The following GRID2 variants were observed in gnomAD, a reference collection of about 807,000 sequenced individuals.
GRID2 encodes the protein glutamate receptor ionotropic, delta-2.
In GRID2, 33 loss-of-function variants were observed where a neutral mutation model predicts 114.8. The ratio of observed to expected loss-of-function variants is 0.29; its 90% CI spans 0.22 to 0.38. GRID2 has a LOEUF of 0.38. GRID2 is among the 10% of genes least tolerant of loss of function. The pLI, the probability that GRID2 is intolerant of heterozygous loss-of-function variation, is 1.00. For missense variants in GRID2, 1,184 were observed against 1,257.7 expected, an observed-to-expected ratio of 0.94 and a Z score of 0.89; for synonymous variants, 505 against 449.9, an observed-to-expected ratio of 1.12 and a Z score of -1.55.
intron 4 of GRID2, among the ~76,000 whole-genome samples, chr4:93,128,678 C>T (rs1318543249): frequency 6.8e-6 from 1 of 147,392 alleles, no homozygotes. Flanking sequence ...ACTTGGGAAA[C>T]CTGAGGTACA....
At chr4:93,017,662 C>T (rs182917714) in intron 2 of GRID2, among the ~76,000 whole-genome samples, 1 of 151,580 alleles carries the variant, frequency 6.6e-6, no homozygotes, top group Admixed American at 6.6e-5. Flanking sequence ...AAAAATTAAC[C>T]AGGCATGGTG....
At chr4:92,972,215 TTG>T (rs1192796137) in intron 2 of GRID2, among the ~76,000 whole-genome samples, 1 of 152,008 alleles carries the variant, frequency 6.6e-6, no homozygotes, top group African/African-American at 2.4e-5. Flanking sequence ...TTTTTTTTTT[TTG>T]TCTTTCTGAT....
chr4:93,110,198 T>A (rs928929363), intron 3 of GRID2, among the ~76,000 whole-genome samples: 2 of 152,180 alleles, frequency 1.3e-5, no homozygotes, highest in Admixed American at 1.3e-4. Flanking sequence ...TAGATTAAAA[T>A]GCAGCTTTTA....
chr4:93,278,421 G>A (rs1752299604), intron 8 of GRID2, among the ~76,000 whole-genome samples: 1 of 151,910 alleles, frequency 6.6e-6, no homozygotes, highest in African/African-American at 2.4e-5. Context: ...GTAGGTCTCA[G>A]AGGAAGAAAT....
At chr4:93,707,210 GT>G (rs1351762675) in intron 14 of GRID2, among the ~76,000 whole-genome samples, 3 of 152,020 alleles carry the variant, frequency 2.0e-5, no homozygotes, top group Non-Finnish European at 4.4e-5. Flanking sequence ...GGTAATACTG[GT>G]CTCATAGAAT....
At chr4:93,348,898 C>A (rs1196027603) in intron 8 of GRID2, among the ~76,000 whole-genome samples, 2 of 152,170 alleles carry the variant, frequency 1.3e-5, no homozygotes, top group African/African-American at 4.8e-5. Context: ...ACATAGAAAG[C>A]TGCACAGAAT....
At chr4:93,451,386 A>T (rs1722667260) in intron 10 of GRID2, among the ~76,000 whole-genome samples, 1 of 152,062 alleles carries the variant, frequency 6.6e-6, no homozygotes. Context: ...GATATAAATG[A>T]GTGTTTACTT....
intron 2 of GRID2, among the ~76,000 whole-genome samples, chr4:92,960,613 G>T (rs1752735615): frequency 6.6e-6 from 1 of 151,746 alleles, no homozygotes; most frequent in Non-Finnish European, 1.5e-5. Flanking sequence ...TTCATTTACT[G>T]TTAACTTATA....
chr4:92,485,165 C>T (rs1722802091), intron 1 of GRID2, among the ~76,000 whole-genome samples: 1 of 150,730 alleles, frequency 6.6e-6, no homozygotes, highest in East Asian at 2.0e-4. Flanking sequence ...GCATCCTAAT[C>T]CTGGAGGATG....
chr4:93,016,465 C>G (rs1325853970), intron 2 of GRID2, among the ~76,000 whole-genome samples: 1 of 152,218 alleles, frequency 6.6e-6, no homozygotes, highest in East Asian at 1.9e-4. Context: ...GAGAGGTCCT[C>G]CAGTGGCTGT....
intron 8 of GRID2, among the ~76,000 whole-genome samples, chr4:93,262,640 C>T (rs999610710): frequency 1.3e-5 from 2 of 151,912 alleles, no homozygotes; most frequent in African/African-American, 4.8e-5. Flanking sequence ...CGTAATCTTA[C>T]TACTTTGAAT....
chr4:92,901,186 C>T (rs1283883103), intron 2 of GRID2, among the ~76,000 whole-genome samples: 3 of 152,118 alleles, frequency 2.0e-5, no homozygotes, highest in Admixed American at 1.3e-4. Flanking sequence ...AATTTACATT[C>T]ACACCAAATG....
Position 92,590,216 on chromosome 4 carries a change from A to T in GRID2, c.174A>T (p.Leu58Phe). The T allele has an allele frequency of 6.2e-7, 1 of 1,612,412 alleles. No individual in the cohort carries two copies. Among genetic ancestry groups the T allele is most frequent in the Non-Finnish European group, 8.5e-7 (1 of 1,178,486 alleles). Reference protein sequence around the residue: ...VGDLNQNEEILQTEKITFSVT... With the variant: ...VGDLNQNEEIFQTEKITFSVT... ...ACCTTAACCAGAATGAGGAGATCTT[A>T]CAGACTGAGAAAATCACATTTTCAG... Residue 58 changes from leucine (L) to phenylalanine (F), a missense_variant, in exon 2 of 16, where the codon TTA becomes TTT. By Grantham distance (22) the Leu-to-Phe change is conservative. Transcript: ENST00000282020.
chr4:93,179,904 G>A lies in GRID2; in HGVS notation c.736-27500G>A, dbSNP rs567974345. Among the ~76,000 whole-genome samples, 3 of 152,220 alleles carry A rather than the reference G, an allele frequency of 2.0e-5. No individual in the cohort carries two copies. In the East Asian group the frequency reaches 5.8e-4, roughly 29 times the overall value. ...TTTTGACCTCACAGTATTTTCTAAG[G>A]AAATTCCCAGGACCCTCTGCTCTAG... is the stretch of plus-strand genomic sequence containing the variant. On this transcript the variant is annotated intron_variant, in intron 4 of 15. Coordinates refer to ENST00000282020, the MANE Select transcript of GRID2 (RefSeq NM_001510.4).
At chr4:93,788,690 AG>A (rs1734640032) in intron 1 of GRID2, among the ~76,000 whole-genome samples, 1 of 152,204 alleles carries the variant, frequency 6.6e-6, no homozygotes, top group Non-Finnish European at 1.5e-5. Context: ...AGGACGTTCA[AG>A]GGTAATTAAT....
chr4:92,802,513 A>G (rs765764012), intron 2 of GRID2, among the ~76,000 whole-genome samples: 1 of 151,780 alleles, frequency 6.6e-6, no homozygotes, highest in Non-Finnish European at 1.5e-5. Context: ...TACTCTATCT[A>G]GTATATATCA....
At chr4:93,594,815 T>A (rs111853107) in intron 13 of GRID2, among the ~76,000 whole-genome samples, 28,758 of 152,022 alleles carry the variant, frequency 0.19, 3,148 homozygotes, top group Middle Eastern at 0.32. Flanking sequence ...GACCCGATTT[T>A]CCAGGTGCCG....
intron 6 of GRID2, among the ~76,000 whole-genome samples, chr4:93,221,951 C>G (rs1744929339): frequency 6.6e-6 from 1 of 152,130 alleles, no homozygotes. Flanking sequence ...AGAGAATGTG[C>G]CCCAGCAGTG....
chr4:93,258,410 T>C (rs1427244365), intron 8 of GRID2, among the ~76,000 whole-genome samples: 1 of 151,738 alleles, frequency 6.6e-6, no homozygotes, highest in African/African-American at 2.4e-5. Context: ...TAATGAAAAT[T>C]ACTGAAATCA....
Sources: allele counts gnomAD v4.1 joint callset (sites outside exome capture counted in the v4.1 genomes callset), GRCh38; gene constraint gnomAD v4.1.1; transcripts MANE v1.5; gene names NCBI Gene and HGNC (gene_info 2026-07-23, HGNC 2026-07-21).